The following AP1B1 variants were observed in gnomAD, a reference collection of about 807,000 sequenced individuals.
AP1B1 encodes adaptor related protein complex 1 subunit beta 1.
Under a neutral mutation model 104.3 loss-of-function variants are expected in AP1B1, and 36 were observed. The ratio of observed to expected loss-of-function variants is 0.35; its 90% CI spans 0.26 to 0.46. The LOEUF is 0.46. Ranked by LOEUF, AP1B1 falls within the 20% of genes least tolerant of loss-of-function variation. The probability of loss-of-function intolerance (pLI) is 1.00; values close to 1 mark genes in which losing one functional copy is unlikely to be tolerated. For missense variants in AP1B1, 901 were observed against 1,247.9 expected, an observed-to-expected ratio of 0.72 and a Z score of 4.19; for synonymous variants, 504 against 517.5, an observed-to-expected ratio of 0.97 and a Z score of 0.35.
In AP1B1 at chr22:29,347,916, A is replaced by T. The variant is rs1054706692; in HGVS notation, c.1437+1302T>A. ...CATTACACAGGTTATTCTCGGCAGTACTGTTTCAATGAGCACAAGACTGGA... is the reference window on the plus strand; with the variant it reads ...CATTACACAGGTTATTCTCGGCAGTTCTGTTTCAATGAGCACAAGACTGGA... On this transcript the variant is annotated intron_variant, in intron 11 of 22. Transcript: ENST00000357586. Among the ~76,000 whole-genome samples, 3 of 152,258 alleles carry T rather than the reference A, an allele frequency of 2.0e-5. No individual in the cohort carries two copies. The East Asian group carries it at 5.8e-4, about 29-fold the overall frequency.
rs546973768 is a variant in AP1B1, at chr22:29,379,029, T to C, written c.-28+9395A>G. ...CAGGTACCAGTTCTGAACTGATCTATAAGCCGTAATGTGCGGAAAGATCTG... is the reference window on the plus strand; with the variant it reads ...CAGGTACCAGTTCTGAACTGATCTACAAGCCGTAATGTGCGGAAAGATCTG... On this transcript the variant is annotated intron_variant, in intron 1 of 22. Coordinates refer to ENST00000357586, the MANE Select transcript of AP1B1 (RefSeq NM_001127.4). Among the ~76,000 whole-genome samples the C allele has an allele frequency of 5.3e-5, 8 of 152,082 alleles. No individual in the cohort carries two copies. In the South Asian group the frequency reaches 1.7e-3, roughly 32 times the overall value.
At chr22:29,383,061 T>C (rs1011803924) in intron 1 of AP1B1, among the ~76,000 whole-genome samples, 5 of 152,200 alleles carry the variant, frequency 3.3e-5, no homozygotes, top group Non-Finnish European at 7.3e-5. Context: ...AGTAAGCAAC[T>C]AGAGGGCTTA....
At position 29,330,378 on chromosome 22, in the gene AP1B1, C is replaced by T. The variant is rs768203402; in HGVS notation, c.2766G>A (p.Thr922=). 9.3e-6 allele frequency: 15 copies of T among 1,613,060 alleles called. No homozygotes were observed. Among genetic ancestry groups the T allele is most frequent in the African/African-American group, 4.0e-5 (3 of 74,956 alleles). Residue 922 remains threonine (T), a splice_region_variant and synonymous_variant, in exon 21 of 23, where the codon ACG becomes ACA. Coordinates refer to ENST00000357586, the MANE Select transcript of AP1B1 (RefSeq NM_001127.4). ...LRIQPGNPSC[T]DLELSLKCRA... ...GCAGGGCGGGTGCCGGGGCTCTCAC[C>T]GTGCAGCTGGGGTTGCCCGGCTGGA...
intron 4 of AP1B1, 62 bp downstream of exon 4, chr22:29,359,762 G>C (rs1440501952): frequency 6.4e-7 from 1 of 1,560,570 alleles, no homozygotes. Context: ...GCCCCAAAGA[G>C]ACTGAGGGGA....
At position 29,352,358 on chromosome 22, in the gene AP1B1, G is replaced by A. The variant is rs568821050; in HGVS notation, c.939-533C>T. ...AGAATACAGTTTATGCTGAACACAT[G>A]CTTCCCTACTGGGAATATGGAATTT... On this transcript the variant is annotated intron_variant, in intron 7 of 22. Transcript: ENST00000357586. Among the ~76,000 whole-genome samples the A allele has an allele frequency of 2.6e-5, 4 of 152,346 alleles. No homozygotes were observed. The East Asian group carries it at 5.8e-4, about 22-fold the overall frequency.
At chr22:29,339,518 A>T (rs539303760) in intron 15 of AP1B1, among the ~76,000 whole-genome samples, 15 of 152,096 alleles carry the variant, frequency 9.9e-5, no homozygotes, top group Admixed American at 2.0e-4. Flanking sequence ...CCCCGCGATG[A>T]CAAGGCGACG....
At chr22:29,387,305 CTTTTT>C (rs1014176421) in intron 1 of AP1B1, among the ~76,000 whole-genome samples, 2 of 128,074 alleles carry the variant, frequency 1.6e-5, no homozygotes, top group South Asian at 2.5e-4. Flanking sequence ...AGCTAAAAAT[CTTTTT>C]TTTTTTTTTT....
intron 1 of AP1B1, among the ~76,000 whole-genome samples, chr22:29,371,763 G>C (rs2062242661): frequency 5.9e-5 from 9 of 152,064 alleles, no homozygotes; most frequent in Admixed American, 5.9e-4. Context: ...GCAAGAAAAA[G>C]CTTAGGGTTT....
In AP1B1 at chr22:29,341,643, T is replaced by C; in HGVS notation, c.1654A>G (p.Thr552Ala). The change falls in exon 13 of 23, where the codon ACG (threonine) becomes GCG (alanine). Residue 552 changes from threonine (T) to alanine (A), a missense_variant. By Grantham distance (58) the Thr-to-Ala change is moderately conservative (BLOSUM62 0). Coordinates refer to ENST00000357586, the MANE Select transcript of AP1B1 (RefSeq NM_001127.4). Reference protein sequence around the residue: ...LAEKPLISEETDLIEPTLLDE... With the variant: ...LAEKPLISEEADLIEPTLLDE... Reference sequence around the variant, plus strand: ...AACAGTGTGGGCTCGATGAGGTCCGTCTCTTCAGAGATGAGTGGCTTCTCA... The same window carrying C: ...AACAGTGTGGGCTCGATGAGGTCCGCCTCTTCAGAGATGAGTGGCTTCTCA... 1 of 1,614,204 alleles carries C rather than the reference T, an allele frequency of 6.2e-7. No homozygotes were observed. The highest frequency in any genetic ancestry group is 8.5e-7 in the Non-Finnish European group (1 of 1,180,030).
chr22:29,376,797 C>T (rs190196411), intron 1 of AP1B1, among the ~76,000 whole-genome samples: 2 of 152,330 alleles, frequency 1.3e-5, no homozygotes, highest in East Asian at 3.9e-4. Context: ...TATTCCTCTA[C>T]TCTGTGCCAT....
intron 1 of AP1B1, among the ~76,000 whole-genome samples, chr22:29,367,611 T>G (rs1391487056): frequency 6.6e-6 from 1 of 151,686 alleles, no homozygotes; most frequent in Admixed American, 6.6e-5. Context: ...CATCAAATTT[T>G]TGAATGTGCC....
intron 7 of AP1B1, among the ~76,000 whole-genome samples, chr22:29,353,442 T>C (rs756094917): frequency 6.6e-6 from 1 of 152,096 alleles, no homozygotes; most frequent in Non-Finnish European, 1.5e-5. Flanking sequence ...CTTAAGAGAT[T>C]TACTATGTTA....
rs374288161 is a variant in AP1B1 at position 29,330,680 on chromosome 22, C to A, written c.2554G>T (p.Asp852Tyr). 1.2e-6 allele frequency: 2 copies of A among 1,613,468 alleles called. No homozygotes were observed. Among genetic ancestry groups the A allele is most frequent in the Non-Finnish European group, 1.7e-6 (2 of 1,179,990 alleles). Reference protein sequence around the residue: ...DRQMFLATWKDIPNENEAQFQ... With the variant: ...DRQMFLATWKYIPNENEAQFQ... ...TGGGCCTCATTCTCATTGGGAATAT[C>A]CTTCCATGTGGCCAGGAACATCTGC... is the stretch of plus-strand genomic sequence containing the variant. The change falls in exon 20 of 23, where the codon GAT (aspartate) becomes TAT (tyrosine). Residue 852 changes from aspartate (D) to tyrosine (Y), a missense_variant. Asp to Tyr is a radical substitution (Grantham distance 160). Transcript: ENST00000357586.
At chr22:29,339,500 C>T (rs1481706765) in intron 15 of AP1B1, among the ~76,000 whole-genome samples, 2 of 152,066 alleles carry the variant, frequency 1.3e-5, no homozygotes, top group East Asian at 3.9e-4. Context: ...GGACTGAGGG[C>T]TGGCAATCCC....
chr22:29,370,833 T>C (rs1333412732), intron 1 of AP1B1, among the ~76,000 whole-genome samples: 1 of 152,126 alleles, frequency 6.6e-6, no homozygotes, highest in Non-Finnish European at 1.5e-5. Context: ...CAGTCTTCCT[T>C]TTACAGGTGC....
chr22:29,329,904 T>C (rs2071578), intron 21 of AP1B1, 184 bp from the exon 22 acceptor site: 940,238 of 1,444,356 alleles, frequency 0.65, 309,624 homozygotes, highest in African/African-American at 0.91. Context: ...AGAAGCAGAG[T>C]TTGGGGCTGT....
intron 3 of AP1B1, 75 bp from the exon 4 acceptor site, chr22:29,360,034 T>G (rs2148004825): frequency 6.6e-7 from 1 of 1,521,988 alleles, no homozygotes; most frequent in Non-Finnish European, 9.0e-7. Context: ...TGCTAACTAG[T>G]GGGTGAGAGG....
intron 1 of AP1B1, among the ~76,000 whole-genome samples, chr22:29,380,328 T>C (rs1377596848): frequency 6.6e-6 from 1 of 152,084 alleles, no homozygotes; most frequent in Non-Finnish European, 1.5e-5. Context: ...CTCTTCCCCA[T>C]CTATGCTATT....
At chr22:29,373,008 G>C (rs2062266472) in intron 1 of AP1B1, among the ~76,000 whole-genome samples, 1 of 152,174 alleles carries the variant, frequency 6.6e-6, no homozygotes, top group Non-Finnish European at 1.5e-5. Flanking sequence ...GATCAAGCCG[G>C]GTGTTGTGGG....
Sources: allele counts gnomAD v4.1 joint callset (sites outside exome capture counted in the v4.1 genomes callset), GRCh38; gene constraint gnomAD v4.1.1; transcripts MANE v1.5; gene names NCBI Gene and HGNC (gene_info 2026-07-23, HGNC 2026-07-21).